The following RANBP2 variants were observed in gnomAD, a reference collection of about 807,000 sequenced individuals.
RANBP2 encodes the protein RAN binding protein 2.
In RANBP2, 57 loss-of-function variants were observed where a neutral mutation model predicts 303.6. The observed-to-expected ratio is 0.19, with a 90% CI of 0.15 to 0.23. RANBP2 has a LOEUF of 0.23. RANBP2 is among the 10% of genes least tolerant of loss of function. The pLI is 1.00. For synonymous variants in RANBP2, 1,167 were observed against 1,301.5 expected (o/e 0.90, Z 2.23); for missense variants, 3,138 against 3,780.8 (o/e 0.83, Z 4.46).
chr2:108,872,352 C>A, the RANBP2 span, among the ~76,000 whole-genome samples: 1 of 152,190 alleles, frequency 6.6e-6, no homozygotes, highest in Admixed American at 6.5e-5. Context: ...ACCACATACA[C>A]ATACCTCGGT....
chr2:109,052,585 G>A, the RANBP2 span, among the ~76,000 whole-genome samples: 1 of 152,186 alleles, frequency 6.6e-6, no homozygotes, highest in African/African-American at 2.4e-5. Flanking sequence ...ATTTATTTTA[G>A]AGGCATTTCA....
At chr2:109,404,153 T>G in the RANBP2 span, among the ~76,000 whole-genome samples, 1 of 152,010 alleles carries the variant, frequency 6.6e-6, no homozygotes, top group Non-Finnish European at 1.5e-5. Context: ...CCGAGACCAC[T>G]GCAGGATGGG....
the RANBP2 span, among the ~76,000 whole-genome samples, chr2:109,052,028 G>A: frequency 7.9e-5 from 12 of 152,280 alleles, no homozygotes; most frequent in South Asian, 4.2e-4. Flanking sequence ...GATTACAGGC[G>A]TGAGCCACCA....
the RANBP2 span, among the ~76,000 whole-genome samples, chr2:109,650,761 A>G: frequency 1.3e-5 from 2 of 152,258 alleles, no homozygotes; most frequent in Non-Finnish European, 2.9e-5. Context: ...CTTTTCTGCC[A>G]CCATGCTAAA....
the RANBP2 span, among the ~76,000 whole-genome samples, chr2:108,842,205 T>G: frequency 3.3e-4 from 49 of 148,780 alleles, 1 homozygote; most frequent in South Asian, 7.7e-3. Context: ...TTAAAAAGTT[T>G]TTTTTTTTTT....
At chr2:108,991,041 T>A in the RANBP2 span, among the ~76,000 whole-genome samples, 1 of 152,124 alleles carries the variant, frequency 6.6e-6, no homozygotes, top group Non-Finnish European at 1.5e-5. Context: ...CCAAAAGGAA[T>A]GATACTGATA....
chr2:109,423,444 G>C, the RANBP2 span, among the ~76,000 whole-genome samples: 1 of 152,140 alleles, frequency 6.6e-6, no homozygotes, highest in Non-Finnish European at 1.5e-5. Flanking sequence ...AATAACAACA[G>C]TCCCCACATT....
At chr2:108,837,420 G>T in the RANBP2 span, among the ~76,000 whole-genome samples, 1 of 151,994 alleles carries the variant, frequency 6.6e-6, no homozygotes, top group African/African-American at 2.4e-5. Flanking sequence ...TTAATATACC[G>T]CCATGCACTG....
the RANBP2 span, among the ~76,000 whole-genome samples, chr2:108,940,536 GCC>G: frequency 4.8e-4 from 73 of 152,394 alleles, no homozygotes; most frequent in African/African-American, 1.7e-3. Context: ...CCTGGGCCAT[GCC>G]TGAGCCCCAG....
At chr2:108,926,314 G>A in the RANBP2 span, among the ~76,000 whole-genome samples, 2 of 152,134 alleles carry the variant, frequency 1.3e-5, no homozygotes, top group African/African-American at 4.8e-5. Flanking sequence ...CCCAACCCCT[G>A]TTCTACATAG....
the RANBP2 span, among the ~76,000 whole-genome samples, chr2:108,871,723 T>C: frequency 6.6e-6 from 1 of 152,186 alleles, no homozygotes; most frequent in Non-Finnish European, 1.5e-5. Flanking sequence ...TTGATTGACT[T>C]CCAGCCTGAA....
chr2:109,716,362 C>T, the RANBP2 span, among the ~76,000 whole-genome samples: 1 of 151,914 alleles, frequency 6.6e-6, no homozygotes, highest in Non-Finnish European at 1.5e-5. Flanking sequence ...AGCAATTCTC[C>T]TGCCTTAGCC....
the RANBP2 span, among the ~76,000 whole-genome samples, chr2:109,435,327 A>G: frequency 4.6e-5 from 7 of 152,234 alleles, no homozygotes; most frequent in Admixed American, 4.6e-4. Flanking sequence ...CCCAGGACTT[A>G]TACTTTCTTG....
At chr2:109,300,177 G>A in the RANBP2 span, among the ~76,000 whole-genome samples, 2 of 152,004 alleles carry the variant, frequency 1.3e-5, no homozygotes, top group African/African-American at 4.8e-5. Context: ...CCTGAGATAT[G>A]CTCTCGAGAG....
At chr2:109,014,252 C>T in the RANBP2 span, among the ~76,000 whole-genome samples, 2 of 152,172 alleles carry the variant, frequency 1.3e-5, no homozygotes, top group African/African-American at 4.8e-5. Context: ...TTGAGAGACA[C>T]AAGGATCCTG....
chr2:109,706,614 G>A, the RANBP2 span, among the ~76,000 whole-genome samples: 1 of 152,188 alleles, frequency 6.6e-6, no homozygotes, highest in South Asian at 2.1e-4. Flanking sequence ...TATTTATTAT[G>A]GGCATTGTCT....
chr2:108,930,234 C>T, the RANBP2 span: 25 of 1,613,976 alleles, frequency 1.5e-5, no homozygotes, highest in Non-Finnish European at 2.0e-5. Flanking sequence ...CTGAGCACAT[C>T]AGAGACACCT....
At chr2:109,180,248 T>G in the RANBP2 span, among the ~76,000 whole-genome samples, 1 of 152,148 alleles carries the variant, frequency 6.6e-6, no homozygotes, top group Admixed American at 6.5e-5. Flanking sequence ...GGCTTCGGCC[T>G]CCTTCCTTTG....
At chr2:108,954,707 G>A in the RANBP2 span, among the ~76,000 whole-genome samples, 3 of 149,486 alleles carry the variant, frequency 2.0e-5, no homozygotes, top group East Asian at 3.9e-4. Context: ...ACAGAGTCTC[G>A]CTCTATTGAC....
Sources: allele counts gnomAD v4.1 joint callset (sites outside exome capture counted in the v4.1 genomes callset), GRCh38; gene constraint gnomAD v4.1.1; transcripts MANE v1.5; gene names NCBI Gene and HGNC (gene_info 2026-07-23, HGNC 2026-07-21).